PARVB: variants seen among roughly 807,000 people sequenced by gnomAD.
PARVB encodes parvin beta, also known as beta-parvin.
In PARVB, 46 loss-of-function variants were observed where a neutral mutation model predicts 47.0. That is an observed-to-expected ratio of 0.98 (90% CI 0.77 to 1.25). The LOEUF (loss-of-function observed/expected upper bound fraction) is 1.25. Ranked by LOEUF, PARVB falls within the 50% of genes most tolerant of loss-of-function variation. The probability of loss-of-function intolerance (pLI) is 0.00; values close to 1 mark genes in which losing one functional copy is unlikely to be tolerated. For missense variants in PARVB, 473 were observed against 471.6 expected, an observed-to-expected ratio of 1.00 and a Z score of -0.03; for synonymous variants, 196 against 196.3, an observed-to-expected ratio of 1.00 and a Z score of 0.01.
At chr22:44,055,638 CTCTG>C (rs1262126596) in intron 1 of PARVB, among the ~76,000 whole-genome samples, 1 of 149,250 alleles carries the variant, frequency 6.7e-6, no homozygotes, top group South Asian at 2.1e-4. Flanking sequence ...CAGCCTGTCT[CTCTG>C]TCTGTCTCTA....
chr22:44,142,595 T>C (rs996856495), intron 8 of PARVB: 3 of 152,088 alleles, frequency 2.0e-5, no homozygotes, highest in African/African-American at 7.2e-5. Context: ...CCCAGAAGCC[T>C]GGCCCCGGAG....
In PARVB at chr22:44,093,667, T is replaced by C. The variant is rs144381097; in HGVS notation, c.113-261T>C. Among the ~76,000 whole-genome samples the C allele has an allele frequency of 2.9e-3, 436 of 152,296 alleles. 6 individuals carry two copies. The highest frequency in any genetic ancestry group is 9.8e-3 in the African/African-American group (408 of 41,570). ...TCTGGAAGCTTTGGTGTCTTAGTTA[T>C]GAGTTTCAAAGGGCAGTGAAAACAG... On this transcript the variant is annotated intron_variant, in intron 1 of 12. Coordinates refer to ENST00000338758, the MANE Select transcript of PARVB (RefSeq NM_013327.5).
intron 1 of PARVB, among the ~76,000 whole-genome samples, chr22:44,042,924 C>T (rs1272149061): frequency 6.6e-6 from 1 of 152,084 alleles, no homozygotes; most frequent in Non-Finnish European, 1.5e-5. Context: ...AGAGAATGAG[C>T]GTTGTTACCG....
At chr22:44,009,910 C>T (rs973034815) in intron 2 of PARVB, among the ~76,000 whole-genome samples, 1 of 150,998 alleles carries the variant, frequency 6.6e-6, no homozygotes, top group Non-Finnish European at 1.5e-5. Flanking sequence ...TGGGTTCAAG[C>T]AATTCTCTGC....
At chr22:44,163,707 A>C (rs2054100760) in intron 11 of PARVB, 151 bp from the exon 12 acceptor site, 2 of 574,448 alleles carry the variant, frequency 3.5e-6, no homozygotes. Context: ...GTGTCTGCCC[A>C]CCCTGTGGCC....
At chr22:44,147,555 G>T in intron 8 of PARVB, 1 of 486,036 alleles carries the variant, frequency 2.1e-6, no homozygotes, top group Non-Finnish European at 4.0e-6. Context: ...GACGTGGCAG[G>T]TGCAGATGCC....
In PARVB at chr22:44,090,932, G is replaced by C. The variant is rs1015830897; in HGVS notation, c.113-2996G>C. On this transcript the variant is annotated intron_variant, in intron 1 of 12. Coordinates refer to ENST00000338758, the MANE Select transcript of PARVB (RefSeq NM_013327.5). ...TCCTTTCTGCCTTTTAAGACTCTCT[G>C]CTGGTTACAACTCTCTTTGTAACTC... Among the ~76,000 whole-genome samples the C allele has an allele frequency of 3.9e-5, 6 of 152,296 alleles. No homozygotes were observed. The South Asian group carries it at 1.2e-3, about 32-fold the overall frequency.
In PARVB at chr22:44,136,447, T is replaced by G; in HGVS notation, c.634-13T>G. 1 of 1,613,448 alleles carries G rather than the reference T, an allele frequency of 6.2e-7. No homozygotes were observed. Among genetic ancestry groups the G allele is most frequent in the Non-Finnish European group, 8.5e-7 (1 of 1,179,400 alleles). On this transcript the variant is annotated splice_polypyrimidine_tract_variant and intron_variant, in intron 6 of 12. Coordinates refer to ENST00000338758, the MANE Select transcript of PARVB (RefSeq NM_013327.5). ...CACTGCCTGATTTTGTATGTTTATT[T>G]TGGGGTTTTCAGAAACGGGAAGGCC...
At position 44,123,049 on chromosome 22, in the gene PARVB, C is replaced by A. The variant is rs148339281; in HGVS notation, c.376+3909C>A. Among the ~76,000 whole-genome samples the A allele has an allele frequency of 2.3e-3, 356 of 152,328 alleles. 2 individuals carry two copies. The highest frequency in any genetic ancestry group is 8.1e-3 in the African/African-American group (337 of 41,576). On this transcript the variant is annotated intron_variant, in intron 4 of 12. Coordinates refer to ENST00000338758, the MANE Select transcript of PARVB (RefSeq NM_013327.5). ...GCTGACCACTGTAGAGGAAGGAATT[C>A]TCAAATTCTGAGAGGCTTCACCTCT...
intron 1 of PARVB, among the ~76,000 whole-genome samples, chr22:44,086,038 C>G (rs141054714): frequency 6.6e-6 from 1 of 152,334 alleles, no homozygotes; most frequent in East Asian, 1.9e-4. Flanking sequence ...ACAACAAGCC[C>G]CATAAATCAG....
chr22:44,154,204 A>G (rs1480497810), intron 10 of PARVB, among the ~76,000 whole-genome samples: 1 of 151,898 alleles, frequency 6.6e-6, no homozygotes, highest in African/African-American at 2.4e-5. Flanking sequence ...CAATATCTTC[A>G]TTTTTTTCCC....
At chr22:44,072,195 C>A (rs1601559316) in intron 1 of PARVB, among the ~76,000 whole-genome samples, 1 of 152,196 alleles carries the variant, frequency 6.6e-6, no homozygotes, top group African/African-American at 2.4e-5. Context: ...TCTGTAGAAC[C>A]CTCCCTACCC....
At chr22:44,069,002 C>T (rs2051593690) in intron 1 of PARVB, 2 of 878,070 alleles carry the variant, frequency 2.3e-6, no homozygotes, top group East Asian at 5.2e-5. Flanking sequence ...CCCTCTGTGA[C>T]CTTCCTCAAA....
At chr22:44,164,064 C>A in intron 12 of PARVB, 134 bp downstream of exon 12, 1 of 579,698 alleles carries the variant, frequency 1.7e-6, no homozygotes, top group South Asian at 2.5e-5. Flanking sequence ...GGGCAAGGGT[C>A]TGCCAACCCC....
chr22:44,015,284 A>C (rs548989466), intron 2 of PARVB, among the ~76,000 whole-genome samples: 1 of 152,274 alleles, frequency 6.6e-6, no homozygotes, highest in South Asian at 2.1e-4. Context: ...AATAAAAAGC[A>C]GCCCCCAAAA....
chr22:44,088,931 C>T (rs1043303447), intron 1 of PARVB, among the ~76,000 whole-genome samples: 3 of 152,190 alleles, frequency 2.0e-5, no homozygotes, highest in African/African-American at 7.2e-5. Flanking sequence ...GTTGTGTGCC[C>T]TCTGGCTGGC....
At chr22:44,000,498 C>T (rs115287014) in intron 2 of PARVB, among the ~76,000 whole-genome samples, 2,657 of 152,226 alleles carry the variant, frequency 0.017, 77 homozygotes, top group African/African-American at 0.061. Context: ...TGAAATAGGC[C>T]GGGCGTGGTG....
intron 3 of PARVB, 108 bp downstream of exon 3, chr22:44,100,231 G>C (rs2052410814): frequency 2.4e-6 from 2 of 843,994 alleles, no homozygotes. Flanking sequence ...TCCTGAAAGG[G>C]ATGTTGGTGC....
rs2053469126 is a variant in PARVB at position 44,137,770 on chromosome 22, AGGG to A, written c.692+1253_692+1255del. On this transcript the variant is annotated intron_variant, in intron 7 of 12. Transcript: ENST00000338758. ...CTGGGCATCTTCCCAGGGTGCTCTC[AGGG>A]TCCTGAGAGAGTGAGAATGCAGCTG... Among the ~76,000 whole-genome samples the A allele has an allele frequency of 2.0e-5, 3 of 152,190 alleles. No homozygotes were observed. In the South Asian group the frequency reaches 6.2e-4, roughly 32 times the overall value.
Sources: allele counts gnomAD v4.1 joint callset (sites outside exome capture counted in the v4.1 genomes callset), GRCh38; gene constraint gnomAD v4.1.1; transcripts MANE v1.5; gene names NCBI Gene and HGNC (gene_info 2026-07-23, HGNC 2026-07-21).